Variants in FLAD1 observed in about 807,000 individuals in gnomAD.
FLAD1 encodes flavin adenine dinucleotide synthetase 1.
In FLAD1, 35 loss-of-function variants were observed where a neutral mutation model predicts 55.0. The ratio of observed to expected loss-of-function variants is 0.64; its 90% CI spans 0.49 to 0.84. The LOEUF is 0.84. Ranked by LOEUF, FLAD1 falls within the 40% of genes least tolerant of loss-of-function variation. The probability of loss-of-function intolerance (pLI) is 0.00; values close to 1 mark genes in which losing one functional copy is unlikely to be tolerated. For missense variants in FLAD1, 665 were observed against 742.6 expected (o/e 0.90, Z 1.21); for synonymous variants, 267 against 303.0 (o/e 0.88, Z 1.23).
chr1:154,988,510 C>T lies in FLAD1; in HGVS notation c.778C>T (p.Leu260=), dbSNP rs1161987678. ...NVYLFPGIPE[L]LRRVLEGMKG... is the part of the protein sequence containing the mutation. The stretch of plus-strand genomic sequence containing the variant: ...CTACCTCTTCCCAGGCATTCCAGAG[C>T]TGCTGCGGCGGGTGCTGGAGGGGAT... Residue 260 remains leucine (L), a synonymous_variant, in exon 2 of 7, where the codon CTG becomes TTG. Coordinates refer to ENST00000292180, the MANE Select transcript of FLAD1 (RefSeq NM_025207.5). The T allele has an allele frequency of 6.2e-7, 1 of 1,614,254 alleles. No homozygotes were observed. The highest frequency in any genetic ancestry group is 1.7e-5 in the Admixed American group (1 of 60,032).
At chr1:154,987,874 G>A (rs536147504) in intron 1 of FLAD1, 323 of 1,344,342 alleles carry the variant, frequency 2.4e-4, no homozygotes, top group Non-Finnish European at 3.0e-4. Flanking sequence ...TGAGGCTGCA[G>A]TGAACTGTGA....
At chr1:154,987,849 T>G in intron 1 of FLAD1, 1 of 1,117,900 alleles carries the variant, frequency 8.9e-7, no homozygotes. Flanking sequence ...GGGGTGGCCC[T>G]TGAAGCCAGG....
intron 1 of FLAD1, among the ~76,000 whole-genome samples, chr1:154,985,655 C>T (rs964207421): frequency 2.0e-5 from 3 of 151,324 alleles, no homozygotes; most frequent in African/African-American, 7.3e-5. Context: ...GATCCACCCA[C>T]CTCAGCCTCC....
At chr1:154,989,102 A>G (rs769985160) in intron 2 of FLAD1, 3 of 876,194 alleles carry the variant, frequency 3.4e-6, no homozygotes, top group Non-Finnish European at 5.1e-6. Flanking sequence ...TAACAAAAAA[A>G]GATGGACATT....
In FLAD1 at chr1:154,990,266, G is replaced by T; in HGVS notation, c.1364+9G>T. Reference sequence around the variant, plus strand: ...CAGGACACTATCAAGAGGTACTAGGGGCCTGGAGGTTTGGGCTCCAAGAGA... The same window carrying T: ...CAGGACACTATCAAGAGGTACTAGGTGCCTGGAGGTTTGGGCTCCAAGAGA... On this transcript the variant is annotated intron_variant, in intron 4 of 6. Transcript: ENST00000292180. The T allele has an allele frequency of 6.2e-7, 1 of 1,613,780 alleles. No homozygotes were observed. The highest frequency in any genetic ancestry group is 1.3e-5 in the African/African-American group (1 of 75,016).
rs764821973 is a variant in FLAD1 at position 154,990,403 on chromosome 1, C to T, written c.1429C>T (p.Arg477Trp). ...MKQALGELQA[R>W]HPQLEAVLMG... ...GCAGGCCCTGGGTGAACTGCAGGCACGGCACCCCCAGCTGGAGGCTGTCCT... is the reference window on the plus strand; with the variant it reads ...GCAGGCCCTGGGTGAACTGCAGGCATGGCACCCCCAGCTGGAGGCTGTCCT... The change falls in exon 5 of 7, where the codon CGG becomes TGG. Residue 477 changes from arginine (R) to tryptophan (W), a missense_variant. Coordinates refer to ENST00000292180, the MANE Select transcript of FLAD1 (RefSeq NM_025207.5). The T allele has an allele frequency of 1.1e-5, 17 of 1,613,962 alleles. No individual in the cohort carries two copies. The highest frequency in any genetic ancestry group is 1.6e-4 in the Middle Eastern group (1 of 6,084).
chr1:154,985,422 A>C (rs1657539531), intron 1 of FLAD1, among the ~76,000 whole-genome samples: 1 of 147,916 alleles, frequency 6.8e-6, no homozygotes, highest in Non-Finnish European at 1.5e-5. Context: ...TTTTTTAGAC[A>C]GAGTCTTGTT....
chr1:154,993,094 A>C lies in FLAD1; in HGVS notation c.*57A>C, dbSNP rs1571493168. The C allele has an allele frequency of 6.6e-7, 1 of 1,526,568 alleles. No individual in the cohort carries two copies. Among genetic ancestry groups the C allele is most frequent in the Non-Finnish European group, 9.1e-7 (1 of 1,103,520 alleles). 94.6% of individuals were successfully genotyped at this position (1,526,568 alleles called of 1,614,324 possible). ...GTCCTAGGGTATAACCTGGCAATAA[A>C]CCGTGCCTCTCACTGTGCCTGTTGC... On this transcript the variant is annotated 3_prime_UTR_variant, in exon 7 of 7. Transcript: ENST00000292180.
At chr1:154,992,226 T>C (rs1025829707) in intron 5 of FLAD1, among the ~76,000 whole-genome samples, 2 of 150,798 alleles carry the variant, frequency 1.3e-5, no homozygotes, top group Middle Eastern at 3.5e-3. Flanking sequence ...GGGCGGATCA[T>C]GAAGTCAGGA....
intron 5 of FLAD1, chr1:154,992,480 C>T (rs1390099482): frequency 3.3e-6 from 4 of 1,229,688 alleles, no homozygotes; most frequent in Non-Finnish European, 4.7e-6. Context: ...TCCTCAAGCT[C>T]CACCCTTGCA....
chr1:154,989,018 A>T, intron 2 of FLAD1, 169 bp downstream of exon 2: 1 of 1,448,506 alleles, frequency 6.9e-7, no homozygotes, highest in Admixed American at 2.3e-5. Context: ...ACCTATTTTC[A>T]TCAGCACTGT....
intron 1 of FLAD1, chr1:154,987,875 T>C: frequency 5.2e-6 from 7 of 1,345,798 alleles, no homozygotes; most frequent in Non-Finnish European, 6.8e-6. Flanking sequence ...GAGGCTGCAG[T>C]GAACTGTGAC....
Position 154,990,591 on chromosome 1 carries a change from C to T in FLAD1, c.1554+63C>T, listed in dbSNP as rs985397267. 9.6e-6 allele frequency: 14 copies of T among 1,460,072 alleles called. No homozygotes were observed. In the African/African-American group the frequency reaches 1.7e-4, roughly 18 times the overall value. The allele number at this position is 1,460,072 out of a possible 1,614,324, so 90.4% of individuals were successfully genotyped here. ...TGCCCCAGCAGTCACTGCACCCTAG[C>T]TCACCTGCAGTAGTGGGGAGGCTAG... is the stretch of plus-strand genomic sequence containing the variant. On this transcript the variant is annotated intron_variant, in intron 5 of 6. Transcript: ENST00000292180.
rs999065878 is a variant in FLAD1 at position 154,983,580 on chromosome 1, G to A, written c.-115G>A. 2 of 1,138,952 alleles carry A rather than the reference G, an allele frequency of 1.8e-6. No individual in the cohort carries two copies. Among genetic ancestry groups the A allele is most frequent in the Non-Finnish European group, 2.5e-6 (2 of 803,622 alleles). 70.6% of individuals were successfully genotyped at this position (1,138,952 alleles called of 1,614,324 possible). ...CATTTAAAGGGGTACGGATGCCCAA[G>A]GTAGAGCAGACACTTGAGGAGACCA... On this transcript the variant is annotated 5_prime_UTR_variant, in exon 1 of 7. Coordinates refer to ENST00000292180, the MANE Select transcript of FLAD1 (RefSeq NM_025207.5).
chr1:154,988,808 T>C lies in FLAD1; in HGVS notation c.1076T>C (p.Val359Ala), dbSNP rs751707910. ...GSLVPYMPNA[V>A]EQASEAVYKL... ...CTGGTCCCCTACATGCCCAACGCTG[T>C]GGAGCAGGCCAGTGAGGCTGTATAC... Residue 359 changes from valine to alanine, a missense_variant, in exon 2 of 7, where the codon GTG (valine) becomes GCG (alanine). By Grantham distance (64) the Val-to-Ala change is moderately conservative. Transcript: ENST00000292180. 8 of 1,614,052 alleles carry C rather than the reference T, an allele frequency of 5.0e-6. No homozygotes were observed. The African/African-American group carries it at 9.3e-5, about 19-fold the overall frequency.
rs962963980 is a variant in FLAD1, at chr1:154,992,848, C to T, written c.1629-54C>T. On this transcript the variant is annotated intron_variant, in intron 6 of 6. Transcript: ENST00000292180. ...TTTTAGGGTGCTGGGATAGGGAGGG[C>T]CAATAGGATCGCCCACCCTACCACA... 5.6e-6 allele frequency: 9 copies of T among 1,613,672 alleles called. No homozygotes were observed. In the African/African-American group the frequency reaches 1.2e-4, roughly 22 times the overall value.
At chr1:154,987,968 C>T in intron 1 of FLAD1, 137 bp from the exon 2 acceptor site, 1 of 1,554,846 alleles carries the variant, frequency 6.4e-7, no homozygotes, top group South Asian at 1.2e-5. Flanking sequence ...GTGTCCAGTC[C>T]AGGCCCCTCA....
In FLAD1 at chr1:154,988,713, A is replaced by G; in HGVS notation, c.981A>G (p.Leu327=). 1 of 1,614,218 alleles carries G rather than the reference A, an allele frequency of 6.2e-7. No individual in the cohort carries two copies. The change falls in exon 2 of 7, where the codon CTA becomes CTG. Residue 327 remains leucine, a synonymous_variant. Coordinates refer to ENST00000292180, the MANE Select transcript of FLAD1 (RefSeq NM_025207.5). ...ACTACTATCAGGTGAAGCTGACTCT[A>G]GACTCAGAGGAAGAAGGACCCCTGG... is the stretch of plus-strand genomic sequence containing the variant. ...GSNYYQVKLT[L]DSEEEGPLEE... is the part of the protein sequence containing the mutation.
In FLAD1 at chr1:154,989,632, C is replaced by G; in HGVS notation, c.1190C>G (p.Thr397Ser). ...ACCTCCCTGGCTCAGTACAGCCTCACCCAGCTCTGTGTGGGCTTCAACGGG... is the reference window on the plus strand; with the variant it reads ...ACCTCCCTGGCTCAGTACAGCCTCAGCCAGCTCTGTGTGGGCTTCAACGGG... ...IETSLAQYSLTQLCVGFNGGK... is the reference protein window; with the variant it reads ...IETSLAQYSLSQLCVGFNGGK... Residue 397 changes from threonine to serine, a missense_variant, in exon 3 of 7, where the codon ACC becomes AGC. Transcript: ENST00000292180. 6.2e-7 allele frequency: 1 copy of G among 1,602,626 alleles called. No individual in the cohort carries two copies. The highest frequency in any genetic ancestry group is 8.5e-7 in the Non-Finnish European group (1 of 1,173,734).
Sources: gnomAD v4.1 joint callset for allele counts (sites outside exome capture counted in the v4.1 genomes callset) on GRCh38, gnomAD v4.1.1 for gene constraint, MANE v1.5 for transcripts, NCBI Gene and HGNC (gene_info 2026-07-23, HGNC 2026-07-21) for gene names.